MRPS30: variants seen among roughly 807,000 people sequenced by gnomAD.
MRPS30 encodes large ribosomal subunit protein mL65.
Under a neutral mutation model 43.8 loss-of-function variants are expected in MRPS30, and 42 were observed. That is an observed-to-expected ratio of 0.96 (90% CI 0.75 to 1.24). MRPS30 has a LOEUF of 1.24. MRPS30 is among the 50% of genes most tolerant of loss of function. MRPS30 has a pLI of 0.00. For synonymous variants in MRPS30, 273 were observed against 228.2 expected, an observed-to-expected ratio of 1.20 and a Z score of -1.77; for missense variants, 638 against 570.0, an observed-to-expected ratio of 1.12 and a Z score of -1.22.
intron 3 of MRPS30, among the ~76,000 whole-genome samples, chr5:44,812,735 T>A (rs1296068158): frequency 6.6e-6 from 1 of 152,072 alleles, no homozygotes; most frequent in Non-Finnish European, 1.5e-5. Flanking sequence ...AAATAAGTTA[T>A]TAAAGTCTTG....
Position 44,809,442 on chromosome 5 carries a change from G to A in MRPS30, c.480G>A (p.Arg160=), listed in dbSNP as rs775181643. 1 of 1,613,762 alleles carries A rather than the reference G, an allele frequency of 6.2e-7. No homozygotes were observed. Among genetic ancestry groups the A allele is most frequent in the East Asian group, 2.2e-5 (1 of 44,852 alleles). The change falls in exon 1 of 5, where the codon AGG becomes AGA. Residue 160 remains arginine, a synonymous_variant. Transcript: ENST00000507110. Reference sequence around the variant, plus strand: ...AGGAGCACTTCTACCTGCGGCGCAGGCGGCGCGTGCACCGTTACGAGGAGA... The same window carrying A: ...AGGAGCACTTCTACCTGCGGCGCAGACGGCGCGTGCACCGTTACGAGGAGA... ...LLQEHFYLRR[R]RRVHRYEESE... is the part of the protein sequence containing the mutation.
At chr5:44,810,137 TG>T (rs35588676) in intron 1 of MRPS30, 68,805 of 152,000 alleles carry the variant, frequency 0.45, 16,004 homozygotes, top group East Asian at 0.55. Flanking sequence ...TGCTAGGCCC[TG>T]GTTCTAAATT....
intron 1 of MRPS30, 39 bp downstream of exon 1, chr5:44,809,602 T>TG (rs1250092262): frequency 6.5e-7 from 1 of 1,533,602 alleles, no homozygotes; most frequent in South Asian, 1.3e-5. Flanking sequence ...AAGGGAGAGA[T>TG]GGGGATTGTA....
rs1278701559 is a variant in MRPS30 at position 44,808,980 on chromosome 5, T to C, written c.18T>C (p.Cys6=). The change falls in exon 1 of 5, where the codon TGT becomes TGC. Residue 6 remains cysteine, a synonymous_variant. Coordinates refer to ENST00000507110, the MANE Select transcript of MRPS30 (RefSeq NM_016640.4). ...GGGCAAAGATGGCGGCGGCCAGGTG[T>C]TGGAGGCCTTTGCTACGCGGTCCGA... The part of the protein sequence containing the change: MAAAR[C]WRPLLRGPRL... 4 of 1,603,906 alleles carry C rather than the reference T, an allele frequency of 2.5e-6. No homozygotes were observed. In the East Asian group the frequency reaches 8.9e-5, roughly 36 times the overall value.
rs1461474030 is a variant in MRPS30, at chr5:44,813,275, G to A, written c.1023G>A (p.Met341Ile). Reference sequence around the variant, plus strand: ...TTGCTTGGACTGGAGCACAAGCTATGTATCAAGGTAAAAATTAATTTTATA... The same window carrying A: ...TTGCTTGGACTGGAGCACAAGCTATATATCAAGGTAAAAATTAATTTTATA... ...SLFAWTGAQA[M>I]YQGFWSEADV... The change falls in exon 4 of 5, where the codon ATG becomes ATA. Residue 341 changes from methionine (M) to isoleucine (I), a missense_variant. By Grantham distance (10) the Met-to-Ile change is conservative (BLOSUM62 1). Coordinates refer to ENST00000507110, the MANE Select transcript of MRPS30 (RefSeq NM_016640.4). 1 of 1,575,772 alleles carries A rather than the reference G, an allele frequency of 6.3e-7. No homozygotes were observed. Among genetic ancestry groups the A allele is most frequent in the Non-Finnish European group, 8.6e-7 (1 of 1,165,620 alleles).
chr5:44,809,304 C>A lies in MRPS30; in HGVS notation c.342C>A (p.Phe114Leu). 6.2e-7 allele frequency: 1 copy of A among 1,612,930 alleles called. No homozygotes were observed. The highest frequency in any genetic ancestry group is 8.5e-7 in the Non-Finnish European group (1 of 1,179,690). Residue 114 changes from phenylalanine (F) to leucine (L), a missense_variant, in exon 1 of 5, where the codon TTC (phenylalanine) becomes TTA (leucine). Coordinates refer to ENST00000507110, the MANE Select transcript of MRPS30 (RefSeq NM_016640.4). ...RWYQYFTKTVFLSGLPPPPAE... is the reference protein window; with the variant it reads ...RWYQYFTKTVLLSGLPPPPAE... ...ACCAGTACTTCACCAAGACCGTGTTCCTGTCGGGTCTGCCGCCGCCCCCAG... is the reference window on the plus strand; with the variant it reads ...ACCAGTACTTCACCAAGACCGTGTTACTGTCGGGTCTGCCGCCGCCCCCAG...
chr5:44,809,652 TTC>T lies in MRPS30; in HGVS notation c.601+95_601+96del, dbSNP rs561101020. The T allele has an allele frequency of 7.4e-5, 99 of 1,336,648 alleles. No homozygotes were observed. The African/African-American group carries it at 1.4e-3, about 18-fold the overall frequency. 82.8% of individuals were successfully genotyped at this position (1,336,648 alleles called of 1,614,324 possible). ...CGCAGATTTACCCCTCGTCATTTCT[TTC>T]TCTCTGCTTCGTTCATGTTTTCCTA... On this transcript the variant is annotated intron_variant, in intron 1 of 4. Coordinates refer to ENST00000507110, the MANE Select transcript of MRPS30 (RefSeq NM_016640.4).
In MRPS30 at chr5:44,809,370, G is replaced by C. The variant is rs775071652; in HGVS notation, c.408G>C (p.Ala136=). 3.1e-6 allele frequency: 5 copies of C among 1,607,516 alleles called. No individual in the cohort carries two copies. The highest frequency in any genetic ancestry group is 4.5e-5 in the East Asian group (2 of 44,568). ...EPEPEPEPEP[A]LDLAALRAVA... is the part of the protein sequence containing the mutation. ...AGCCCGAACCCGAACCTGAACCTGC[G>C]CTGGACCTCGCGGCGCTGCGTGCGG... is the stretch of plus-strand genomic sequence containing the variant. Residue 136 remains alanine (A), a synonymous_variant, in exon 1 of 5, where the codon GCG becomes GCC. Coordinates refer to ENST00000507110, the MANE Select transcript of MRPS30 (RefSeq NM_016640.4).
chr5:44,812,618 G>T (rs1399643816), intron 3 of MRPS30, among the ~76,000 whole-genome samples: 2 of 151,074 alleles, frequency 1.3e-5, no homozygotes, highest in Non-Finnish European at 3.0e-5. Context: ...AATCAAGAAT[G>T]TCAGCATTTC....
chr5:44,813,387 C>A, intron 4 of MRPS30, 105 bp downstream of exon 4: 1 of 1,000,946 alleles, frequency 1.0e-6, no homozygotes, highest in Non-Finnish European at 1.4e-6. Context: ...TGAATCTTAA[C>A]ATTTTTAAAC....
chr5:44,810,979 T>TG lies in MRPS30; in HGVS notation c.602-29dup, dbSNP rs756475501. On this transcript the variant is annotated intron_variant, in intron 1 of 4. Transcript: ENST00000507110. ...AACCAAATTTATTTAGATGATCAGA[T>TG]GAAAAAAATTTTGAATATCTTTTTG... The TG allele has an allele frequency of 3.7e-6, 6 of 1,600,032 alleles. No individual in the cohort carries two copies. The East Asian group carries it at 1.3e-4, about 36-fold the overall frequency.
At chr5:44,812,697 TAGG>T (rs1742862281) in intron 3 of MRPS30, among the ~76,000 whole-genome samples, 1 of 152,020 alleles carries the variant, frequency 6.6e-6, no homozygotes, top group Non-Finnish European at 1.5e-5. Flanking sequence ...TTTTAAAAAT[TAGG>T]AGCAAAGTGT....
rs1447219885 is a variant in MRPS30 at position 44,811,958 on chromosome 5, T to C, written c.791T>C (p.Ile264Thr). 1.2e-6 allele frequency: 2 copies of C among 1,600,174 alleles called. No homozygotes were observed. Among genetic ancestry groups the C allele is most frequent in the Admixed American group, 1.7e-5 (1 of 57,716 alleles). ...TCTGTTCCTATAGAAATCCCCACTA[T>C]AAAATGTAAACCAGACAAACTTCCA... ...DYSVPIEIPT[I>T]KCKPDKLPLF... The change falls in exon 3 of 5, where the codon ATA becomes ACA. Residue 264 changes from isoleucine (I) to threonine (T), a missense_variant. Ile to Thr is a moderately conservative substitution (Grantham distance 89). Transcript: ENST00000507110.
At position 44,810,930 on chromosome 5, in the gene MRPS30, A is replaced by T. The variant is rs992557656; in HGVS notation, c.602-79A>T. The T allele has an allele frequency of 6.3e-5, 78 of 1,246,674 alleles. No homozygotes were observed. In the South Asian group the frequency reaches 7.2e-4, roughly 12 times the overall value. The allele number at this position is 1,246,674 out of a possible 1,614,324, so 77.2% of individuals were successfully genotyped here. A position where few individuals can be genotyped will look rare whatever the true frequency, so the allele number is the denominator to read the frequency against. ...TTCCTAAGTTATCATTTGCTAAGTT[A>T]GTACTCTTTAGTGTTCTAATAGTAA... is the stretch of plus-strand genomic sequence containing the variant. On this transcript the variant is annotated intron_variant, in intron 1 of 4. Coordinates refer to ENST00000507110, the MANE Select transcript of MRPS30 (RefSeq NM_016640.4).
At chr5:44,810,535 C>T (rs1036265516) in intron 1 of MRPS30, among the ~76,000 whole-genome samples, 2 of 152,132 alleles carry the variant, frequency 1.3e-5, no homozygotes, top group East Asian at 1.9e-4. Flanking sequence ...TTTTTCCCTT[C>T]CCCAGTTGAG....
chr5:44,815,294 A>G lies in MRPS30; in HGVS notation c.*92A>G. 2.6e-6 allele frequency: 3 copies of G among 1,172,292 alleles called. No homozygotes were observed. The highest frequency in any genetic ancestry group is 1.2e-6 in the Non-Finnish European group (1 of 854,514). 72.6% of individuals were successfully genotyped at this position (1,172,292 alleles called of 1,614,324 possible). A position where few individuals can be genotyped will look rare whatever the true frequency, so the allele number is the denominator to read the frequency against. ...TTTGTAACTGTCAACTATTAAATAC[A>G]TTGATTTTTGAGACAAATATTTCTT... On this transcript the variant is annotated 3_prime_UTR_variant, in exon 5 of 5. Coordinates refer to ENST00000507110, the MANE Select transcript of MRPS30 (RefSeq NM_016640.4).
At chr5:44,809,638 C>G in intron 1 of MRPS30, 75 bp downstream of exon 1, 1 of 1,393,258 alleles carries the variant, frequency 7.2e-7, no homozygotes, top group Non-Finnish European at 9.7e-7. Context: ...GCAGATTTAC[C>G]CCTCGTCATT....
Position 44,809,430 on chromosome 5 carries a change from C to A in MRPS30, c.468C>A (p.Tyr156Ter), listed in dbSNP as rs373661125. 1 of 1,613,594 alleles carries A rather than the reference C, an allele frequency of 6.2e-7. No individual in the cohort carries two copies. The highest frequency in any genetic ancestry group is 2.2e-5 in the East Asian group (1 of 44,850). The change falls in exon 1 of 5, where the codon TAC becomes TAA. Residue 156 changes from tyrosine (Y) to a stop codon, truncating the protein, a stop_gained. Transcript: ENST00000507110. LOFTEE classifies it high-confidence loss of function. Reference protein sequence around the residue: ...ACDCLLQEHFYLRRRRRVHRY... With the variant: ...ACDCLLQEHF ...ACTGCCTGCTGCAGGAGCACTTCTA[C>A]CTGCGGCGCAGGCGGCGCGTGCACC...
At chr5:44,812,509 A>G (rs1490145816) in intron 3 of MRPS30, among the ~76,000 whole-genome samples, 1 of 152,090 alleles carries the variant, frequency 6.6e-6, no homozygotes, top group East Asian at 1.9e-4. Context: ...AGAAGGTTTT[A>G]TACCAGCCCT....
Sources: gnomAD v4.1 joint callset for allele counts (sites outside exome capture counted in the v4.1 genomes callset) on GRCh38, gnomAD v4.1.1 for gene constraint, MANE v1.5 for transcripts, NCBI Gene and HGNC (gene_info 2026-07-23, HGNC 2026-07-21) for gene names.